Variants in AOAH observed in about 807,000 individuals in gnomAD.
AOAH encodes acyloxyacyl hydrolase (neutrophil).
In AOAH, 64 loss-of-function variants were observed where a neutral mutation model predicts 92.2. The ratio of observed to expected loss-of-function variants is 0.69; its 90% CI spans 0.57 to 0.86. AOAH has a LOEUF of 0.86. Ranked by LOEUF, AOAH falls within the 40% of genes least tolerant of loss-of-function variation. The probability of loss-of-function intolerance (pLI) is 0.00; values close to 1 mark genes in which losing one functional copy is unlikely to be tolerated. For missense variants in AOAH, 656 were observed against 694.6 expected, an observed-to-expected ratio of 0.94 and a Z score of 0.62; for synonymous variants, 263 against 254.5, an observed-to-expected ratio of 1.03 and a Z score of -0.32.
chr7:36,555,699 C>A (rs1326750669), intron 13 of AOAH, among the ~76,000 whole-genome samples: 1 of 152,146 alleles, frequency 6.6e-6, no homozygotes, highest in Non-Finnish European at 1.5e-5. Flanking sequence ...CAACTTCTTC[C>A]TGGTTTAGTC....
intron 13 of AOAH, among the ~76,000 whole-genome samples, chr7:36,556,497 G>T (rs1266421018): frequency 2.6e-5 from 4 of 151,886 alleles, no homozygotes; most frequent in Non-Finnish European, 5.9e-5. Flanking sequence ...ATGTTTATTA[G>T]GTCCACTTGG....
intron 15 of AOAH, among the ~76,000 whole-genome samples, chr7:36,544,115 T>G (rs1456509543): frequency 6.6e-6 from 1 of 151,738 alleles, no homozygotes; most frequent in Non-Finnish European, 1.5e-5. Flanking sequence ...CCCAGCTAAT[T>G]TTTCTATTTT....
chr7:36,681,672 A>G (rs1444634891), intron 2 of AOAH, among the ~76,000 whole-genome samples: 1 of 152,084 alleles, frequency 6.6e-6, no homozygotes, highest in Non-Finnish European at 1.5e-5. Context: ...AGGCATCCTG[A>G]TGGGTATAAT....
chr7:36,600,360 T>C (rs1398280687), intron 11 of AOAH, among the ~76,000 whole-genome samples: 1 of 152,182 alleles, frequency 6.6e-6, no homozygotes. Context: ...AGTGAGAGGC[T>C]CTGGGAGGGC....
At chr7:36,712,851 C>A (rs1300823060) in intron 1 of AOAH, among the ~76,000 whole-genome samples, 1 of 152,196 alleles carries the variant, frequency 6.6e-6, no homozygotes, top group African/African-American at 2.4e-5. Flanking sequence ...TGGAAAGGAA[C>A]AACCGGTACC....
chr7:36,528,827 C>T (rs12673591), intron 19 of AOAH, among the ~76,000 whole-genome samples: 2,744 of 152,220 alleles, frequency 0.018, 80 homozygotes, highest in East Asian at 0.15. Flanking sequence ...GTCTTGACCT[C>T]CTGGACTTGA....
At chr7:36,548,312 T>C (rs1186058107) in intron 15 of AOAH, among the ~76,000 whole-genome samples, 2 of 152,138 alleles carry the variant, frequency 1.3e-5, no homozygotes, top group African/African-American at 2.4e-5. Flanking sequence ...CAGCCTCTCA[T>C]GTAGCTGAGA....
chr7:36,648,505 T>A (rs563985893), intron 4 of AOAH, among the ~76,000 whole-genome samples: 1 of 152,286 alleles, frequency 6.6e-6, no homozygotes, highest in Non-Finnish European at 1.5e-5. Flanking sequence ...ATTTACCCAG[T>A]ATGCCATTTG....
intron 1 of AOAH, among the ~76,000 whole-genome samples, chr7:36,710,377 T>C (rs1798686569): frequency 6.6e-6 from 1 of 152,168 alleles, no homozygotes; most frequent in African/African-American, 2.4e-5. Context: ...ACTCTAGTAA[T>C]TGAGAGTGAT....
chr7:36,568,081 G>A (rs546316654), intron 13 of AOAH, among the ~76,000 whole-genome samples: 2 of 152,314 alleles, frequency 1.3e-5, no homozygotes, highest in East Asian at 3.9e-4. Context: ...TTAGAACTTG[G>A]GTTTATATAA....
Position 36,611,094 on chromosome 7 carries a change from G to A in AOAH, c.846+5286C>T, listed in dbSNP as rs187828588. Among the ~76,000 whole-genome samples, 4 of 152,300 alleles carry A rather than the reference G, an allele frequency of 2.6e-5. No individual in the cohort carries two copies. In the East Asian group the frequency reaches 7.7e-4, roughly 29 times the overall value. On this transcript the variant is annotated intron_variant, in intron 11 of 20. Coordinates refer to ENST00000617537, the MANE Select transcript of AOAH (RefSeq NM_001637.4). ...TCAGTATCAACATCCTGAGCAAAATGGATCTCTTATTCTTGTCCCGTCTCC... is the reference window on the plus strand; with the variant it reads ...TCAGTATCAACATCCTGAGCAAAATAGATCTCTTATTCTTGTCCCGTCTCC...
At chr7:36,676,935 C>A (rs1033409678) in intron 2 of AOAH, among the ~76,000 whole-genome samples, 2 of 152,008 alleles carry the variant, frequency 1.3e-5, no homozygotes, top group African/African-American at 4.8e-5. Context: ...TAACCCAAAA[C>A]GGGTCAAAGA....
intron 10 of AOAH, 60 bp downstream of exon 10, chr7:36,618,237 T>C: frequency 6.6e-7 from 1 of 1,520,464 alleles, no homozygotes; most frequent in East Asian, 2.3e-5. Flanking sequence ...CACTTCAATT[T>C]GACTCAAACT....
intron 1 of AOAH, among the ~76,000 whole-genome samples, chr7:36,714,960 G>T (rs976804878): frequency 1.3e-5 from 2 of 152,146 alleles, no homozygotes; most frequent in African/African-American, 2.4e-5. Context: ...TCAACATAGT[G>T]TTGGAAGTTC....
chr7:36,624,923 C>A (rs1045812393), intron 6 of AOAH, among the ~76,000 whole-genome samples: 1 of 152,214 alleles, frequency 6.6e-6, no homozygotes, highest in Non-Finnish European at 1.5e-5. Context: ...GCCTTGCCTT[C>A]CTCTTTTTAC....
chr7:36,602,281 GTTTC>G (rs1328676322), intron 11 of AOAH, among the ~76,000 whole-genome samples: 2 of 151,934 alleles, frequency 1.3e-5, no homozygotes, highest in East Asian at 1.9e-4. Context: ...GCTCCTCTTA[GTTTC>G]TTTCTTTTCC....
chr7:36,526,404 A>G (rs1383645660), intron 19 of AOAH, among the ~76,000 whole-genome samples: 2 of 152,196 alleles, frequency 1.3e-5, no homozygotes, highest in East Asian at 3.9e-4. Context: ...ATCGTGACCA[A>G]TGTCAAAGGG....
At chr7:36,706,681 G>T (rs1019997201) in intron 1 of AOAH, among the ~76,000 whole-genome samples, 3 of 152,190 alleles carry the variant, frequency 2.0e-5, no homozygotes, top group Non-Finnish European at 4.4e-5. Flanking sequence ...GCTTAGAACA[G>T]CCACCTTCAT....
chr7:36,540,486 C>A lies in AOAH; in HGVS notation c.1139G>T (p.Ser380Ile), dbSNP rs200437512. 1.6e-4 allele frequency: 264 copies of A among 1,605,546 alleles called. No homozygotes were observed. The highest frequency in any genetic ancestry group is 2.2e-4 in the Admixed American group (13 of 58,154). Residue 380 changes from serine to isoleucine, a missense_variant, in exon 16 of 21, where the codon AGT becomes ATT. By Grantham distance (142) the Ser-to-Ile change is moderately radical. Coordinates refer to ENST00000617537, the MANE Select transcript of AOAH (RefSeq NM_001637.4). ...AGTGGTCATGGCTGGGACTGGGTCA[C>A]TCTTCCTGTTGGTGGAATAAACAGA... ...MIGNDVCSGK[S>I]DPVPAMTTPE...
Sources: allele counts gnomAD v4.1 joint callset (sites outside exome capture counted in the v4.1 genomes callset), GRCh38; gene constraint gnomAD v4.1.1; transcripts MANE v1.5; gene names NCBI Gene and HGNC (gene_info 2026-07-23, HGNC 2026-07-21).